The following NCKAP5 variants were observed in gnomAD, a reference collection of about 807,000 sequenced individuals.
NCKAP5 encodes NCK associated protein 5, also known as nck-associated protein 5.
Under a neutral mutation model 167.0 loss-of-function variants are expected in NCKAP5, and 92 were observed. That is an observed-to-expected ratio of 0.55 (90% CI 0.47 to 0.66). The LOEUF is 0.66. NCKAP5 is among the 30% of genes least tolerant of loss of function. NCKAP5 has a pLI of 0.00. For missense variants in NCKAP5, 2,378 were observed against 2,315.0 expected (o/e 1.03, Z -0.56); for synonymous variants, 891 against 877.4 (o/e 1.02, Z -0.27).
intron 3 of NCKAP5, among the ~76,000 whole-genome samples, chr2:133,412,466 C>T (rs1232294614): frequency 2.0e-5 from 3 of 152,166 alleles, no homozygotes; most frequent in Non-Finnish European, 2.9e-5. Flanking sequence ...ATTTTCTTTC[C>T]TGATTCTGAA....
chr2:132,747,130 C>T (rs577668549), intron 16 of NCKAP5, among the ~76,000 whole-genome samples: 1 of 150,952 alleles, frequency 6.6e-6, no homozygotes, highest in Non-Finnish European at 1.5e-5. Flanking sequence ...ATAAATTATA[C>T]CTCCATGAAC....
intron 4 of NCKAP5, among the ~76,000 whole-genome samples, chr2:133,250,389 C>G (rs2088250370): frequency 6.6e-6 from 1 of 152,136 alleles, no homozygotes; most frequent in South Asian, 2.1e-4. Flanking sequence ...GGACACCCAC[C>G]ACCAGCTTAG....
At chr2:133,242,239 T>A (rs1308270664) in intron 4 of NCKAP5, among the ~76,000 whole-genome samples, 1 of 149,088 alleles carries the variant, frequency 6.7e-6, no homozygotes, top group African/African-American at 2.6e-5. Flanking sequence ...AAATACTCTG[T>A]TTTTCTTTTC....
At position 133,138,645 on chromosome 2, in the gene NCKAP5, C is replaced by T. The variant is rs1434791028; in HGVS notation, c.208-8534G>A. Among the ~76,000 whole-genome samples, 4 of 152,226 alleles carry T rather than the reference C, an allele frequency of 2.6e-5. No homozygotes were observed. In the South Asian group the frequency reaches 6.2e-4, roughly 24 times the overall value. Reference sequence around the variant, plus strand: ...CCTTGGGAAATATACTTACTGTCTCCGGACCTACTTCTAAACTGCTGTAGT... The same window carrying T: ...CCTTGGGAAATATACTTACTGTCTCTGGACCTACTTCTAAACTGCTGTAGT... On this transcript the variant is annotated intron_variant, in intron 5 of 19. Transcript: ENST00000409261.
chr2:133,267,101 G>A (rs2089278066), intron 4 of NCKAP5, among the ~76,000 whole-genome samples: 1 of 152,158 alleles, frequency 6.6e-6, no homozygotes, highest in African/African-American at 2.4e-5. Flanking sequence ...AGAGTGAGGG[G>A]CGGGGAAGGG....
intron 3 of NCKAP5, among the ~76,000 whole-genome samples, chr2:133,487,988 T>C (rs1681063038): frequency 6.6e-6 from 1 of 152,176 alleles, no homozygotes; most frequent in Admixed American, 6.5e-5. Context: ...CATTTTCACT[T>C]TAACAGAACT....
At chr2:133,047,908 C>T (rs1417996999) in intron 6 of NCKAP5, among the ~76,000 whole-genome samples, 4 of 152,114 alleles carry the variant, frequency 2.6e-5, no homozygotes, top group Non-Finnish European at 2.9e-5. Context: ...AAATGAAGCC[C>T]CACATTCAAA....
Position 132,920,737 on chromosome 2 carries a change from ATATATG to A in NCKAP5, c.580-41827_580-41822del, listed in dbSNP as rs1388456390. Among the ~76,000 whole-genome samples, 38 of 105,408 alleles carry A rather than the reference ATATATG, an allele frequency of 3.6e-4. 3 individuals carry two copies. Among genetic ancestry groups the A allele is most frequent in the African/African-American group, 1.6e-3 (36 of 22,904 alleles). The allele number at this position is 105,408 out of a possible 152,430, so 69.2% of individuals were successfully genotyped here. On this transcript the variant is annotated intron_variant, in intron 8 of 19. Transcript: ENST00000409261. ...TATATATGTATATATATATATGTATATATATGTGTATATATATATGTATATATATGT... is the reference window on the plus strand; with the variant it reads ...TATATATGTATATATATATATGTATATGTATATATATATGTATATATATGT...
At chr2:133,203,480 G>A (rs1199108009) in intron 5 of NCKAP5, among the ~76,000 whole-genome samples, 1 of 152,050 alleles carries the variant, frequency 6.6e-6, no homozygotes, top group Non-Finnish European at 1.5e-5. Context: ...CATGGTACAT[G>A]TATACATATG....
At chr2:133,647,915 A>G in the NCKAP5 span, among the ~76,000 whole-genome samples, 1 of 152,290 alleles carries the variant, frequency 6.6e-6, no homozygotes, top group South Asian at 2.1e-4. Context: ...ATGCAAATGG[A>G]TTAGACACCC....
At chr2:133,265,489 TC>T (rs1462051829) in intron 4 of NCKAP5, among the ~76,000 whole-genome samples, 6 of 152,202 alleles carry the variant, frequency 3.9e-5, no homozygotes, top group Non-Finnish European at 8.8e-5. Context: ...GCACCAGCGC[TC>T]CGCTCTGTTC....
At chr2:133,611,390 G>A in the NCKAP5 span, among the ~76,000 whole-genome samples, 3 of 152,062 alleles carry the variant, frequency 2.0e-5, no homozygotes, top group Non-Finnish European at 4.4e-5. Flanking sequence ...GCAGGAAGGT[G>A]GTCATTTGGG....
At chr2:133,089,838 T>C (rs75910467) in intron 6 of NCKAP5, among the ~76,000 whole-genome samples, 13,410 of 152,166 alleles carry the variant, frequency 0.088, 871 homozygotes, top group African/African-American at 0.18. Flanking sequence ...ACAACAAAAG[T>C]TCCGGTAAGC....
In NCKAP5 at chr2:132,750,444, C is replaced by A. The variant is rs57308153; in HGVS notation, c.5129-18393G>T. On this transcript the variant is annotated intron_variant, in intron 16 of 19. Transcript: ENST00000409261. ...TGTGCTTTTGTTTCTTTAGAAAATG[C>A]GTATTTTATGGAGACAAGAAGAAAG... Among the ~76,000 whole-genome samples, 493 of 152,072 alleles carry A rather than the reference C, an allele frequency of 3.2e-3. 3 individuals carry two copies. The highest frequency in any genetic ancestry group is 0.011 in the African/African-American group (470 of 41,490).
At chr2:133,652,725 C>T in the NCKAP5 span, among the ~76,000 whole-genome samples, 1 of 152,184 alleles carries the variant, frequency 6.6e-6, no homozygotes, top group Admixed American at 6.5e-5. Flanking sequence ...AATCCATTGC[C>T]TGTCTAAATC....
At chr2:132,979,775 T>C (rs147647216) in intron 7 of NCKAP5, among the ~76,000 whole-genome samples, 294 of 152,274 alleles carry the variant, frequency 1.9e-3, no homozygotes, top group African/African-American at 6.3e-3. Flanking sequence ...ATTTTACTCC[T>C]TCAAAGACCA....
At chr2:133,625,576 AC>A in the NCKAP5 span, among the ~76,000 whole-genome samples, 1 of 152,152 alleles carries the variant, frequency 6.6e-6, no homozygotes, top group African/African-American at 2.4e-5. Context: ...AGAGGCTCCC[AC>A]TGGCCAAAGG....
intron 11 of NCKAP5, among the ~76,000 whole-genome samples, chr2:132,828,942 A>T (rs1687324987): frequency 6.6e-6 from 1 of 151,992 alleles, no homozygotes; most frequent in Non-Finnish European, 1.5e-5. Context: ...GTATCCTCTC[A>T]CCTTGGTTTC....
chr2:133,088,272 C>T lies in NCKAP5; in HGVS notation c.341+41706G>A, dbSNP rs147541101. ...ACGGGCACTAAACAAAGGCATACCT[C>T]ATTCACATTTTTGCAGAAGCCCCTT... On this transcript the variant is annotated intron_variant, in intron 6 of 19. Transcript: ENST00000409261. Among the ~76,000 whole-genome samples, 425 of 152,316 alleles carry T rather than the reference C, an allele frequency of 2.8e-3. 2 individuals are homozygous for T. The highest frequency in any genetic ancestry group is 1.0e-2 in the African/African-American group (414 of 41,574).
Sources: gnomAD v4.1 joint callset for allele counts (sites outside exome capture counted in the v4.1 genomes callset) on GRCh38, gnomAD v4.1.1 for gene constraint, MANE v1.5 for transcripts, NCBI Gene and HGNC (gene_info 2026-07-23, HGNC 2026-07-21) for gene names.